Variants in DCAF16 observed in about 807,000 individuals in gnomAD.
DCAF16 encodes DDB1 and CUL4 associated factor 16.
A neutral mutation model predicts 17.3 loss-of-function variants in DCAF16; 10 were observed. The ratio of observed to expected loss-of-function variants is 0.58; its 90% CI spans 0.36 to 0.98. The LOEUF (loss-of-function observed/expected upper bound fraction) is 0.98, where lower values mean the gene tolerates loss of function less well. DCAF16 is among the 50% of genes least tolerant of loss of function. DCAF16 has a pLI of 0.01. For synonymous variants in DCAF16, 111 were observed against 92.8 expected, an observed-to-expected ratio of 1.20 and a Z score of -1.12; for missense variants, 249 against 247.6, an observed-to-expected ratio of 1.01 and a Z score of -0.04.
At chr4:17,797,824 T>A (rs1719495918), downstream of DCAF16, among the ~76,000 whole-genome samples, 1 of 152,190 alleles carries the variant, frequency 6.6e-6, no homozygotes, top group South Asian at 2.1e-4. Context: ...TTAATTAATT[T>A]ATTGTAAACC....
chr4:17,798,327 T>A (rs1250332181), downstream of DCAF16, among the ~76,000 whole-genome samples: 6 of 150,884 alleles, frequency 4.0e-5, no homozygotes, highest in Non-Finnish European at 3.0e-5. Context: ...TTTTTTTTTT[T>A]TTTTATACCA....
chr4:17,803,469 T>C lies in DCAF16; in HGVS notation c.*22A>G. 1 of 1,601,876 alleles carries C rather than the reference T, an allele frequency of 6.2e-7. No homozygotes were observed. The highest frequency in any genetic ancestry group is 8.5e-7 in the Non-Finnish European group (1 of 1,171,296). ...CTTTCTCAATTAGCAACATCAGAGA[T>C]ATCAGAGCAAATGGTAGATCTTTAC... On this transcript the variant is annotated 3_prime_UTR_variant, in exon 3 of 3. Coordinates refer to ENST00000382247, the MANE Select transcript of DCAF16 (RefSeq NM_017741.4).
rs1055847143 is a variant in DCAF16, at chr4:17,805,091, T to G, written c.-631+16A>C. On this transcript the variant is annotated intron_variant, in intron 2 of 2. Transcript: ENST00000382247. ...AAATAGAGAGCTATAAAAGTTTTTT[T>G]TTTTTTTTTTTTTACCTTCAGAGGT... The G allele has an allele frequency of 2.0e-5, 3 of 151,706 alleles. No individual in the cohort carries two copies. The highest frequency in any genetic ancestry group is 7.3e-5 in the African/African-American group (3 of 41,262). 9.4% of individuals were successfully genotyped at this position (151,706 alleles called of 1,614,324 possible).
At chr4:17,799,333 T>C (rs188916410), downstream of DCAF16, among the ~76,000 whole-genome samples, 56 of 152,350 alleles carry the variant, frequency 3.7e-4, no homozygotes, top group African/African-American at 1.3e-3. Context: ...TTATTTAATA[T>C]GACCCTAGAC....
downstream of DCAF16, among the ~76,000 whole-genome samples, chr4:17,799,627 C>T (rs989562579): frequency 1.3e-5 from 2 of 152,150 alleles, no homozygotes; most frequent in Non-Finnish European, 2.9e-5. Context: ...TCTTTAAATG[C>T]TTTAGCTATT....
chr4:17,808,472 T>G (rs551917880), intron 1 of DCAF16, among the ~76,000 whole-genome samples: 34 of 152,266 alleles, frequency 2.2e-4, no homozygotes, highest in African/African-American at 8.2e-4. Flanking sequence ...AGTACAAAAG[T>G]CAGGAAAAAT....
rs1299367767 is a variant in DCAF16, at chr4:17,802,159, G to T, written c.*1332C>A. On this transcript the variant is annotated 3_prime_UTR_variant, in exon 3 of 3. Coordinates refer to ENST00000382247, the MANE Select transcript of DCAF16 (RefSeq NM_017741.4). ...TCCTGAAAAGTTTGCAATGGATGTGGAAAGTACTTGAGCTTTTACTCCAGG... is the reference window on the plus strand; with the variant it reads ...TCCTGAAAAGTTTGCAATGGATGTGTAAAGTACTTGAGCTTTTACTCCAGG... 6.6e-6 allele frequency: 1 copy of T among 152,252 alleles called. No homozygotes were observed. The highest frequency in any genetic ancestry group is 1.5e-5 in the Non-Finnish European group (1 of 67,984). 9.4% of individuals were successfully genotyped at this position (152,252 alleles called of 1,614,324 possible).
chr4:17,794,806 A>G, the DCAF16 span, among the ~76,000 whole-genome samples: 1 of 152,202 alleles, frequency 6.6e-6, no homozygotes, highest in Non-Finnish European at 1.5e-5. Flanking sequence ...TGATTACTAA[A>G]TAACATACTT....
rs372001633 is a variant in DCAF16 at position 17,804,051 on chromosome 4, C to T, written c.91G>A (p.Glu31Lys). ...NISYLNESSG[E>K]EWDSSEEEDS... is the part of the protein sequence containing the mutation. ...TCTTCTTCAGAGGAATCCCACTCTT[C>T]CCCAGAACTCTCATTTAGGTAACTA... Residue 31 changes from glutamate to lysine, a missense_variant, in exon 3 of 3, where the codon GAA (glutamate) becomes AAA (lysine). Coordinates refer to ENST00000382247, the MANE Select transcript of DCAF16 (RefSeq NM_017741.4). 15 of 1,614,156 alleles carry T rather than the reference C, an allele frequency of 9.3e-6. No individual in the cohort carries two copies. The highest frequency in any genetic ancestry group is 1.7e-5 in the Admixed American group (1 of 60,024).
At chr4:17,799,784 T>C (rs146278192), downstream of DCAF16, among the ~76,000 whole-genome samples, 23 of 152,274 alleles carry the variant, frequency 1.5e-4, no homozygotes, top group African/African-American at 4.8e-4. Context: ...TTTCTTTTCT[T>C]AGGAAGCAGA....
chr4:17,800,849 C>T lies in DCAF16; in HGVS notation c.*2642G>A, dbSNP rs1469429567. 2.0e-5 allele frequency: 3 copies of T among 149,630 alleles called. No individual in the cohort carries two copies. The highest frequency in any genetic ancestry group is 4.4e-5 in the Non-Finnish European group (3 of 67,738). The allele number at this position is 149,630 out of a possible 1,614,324, so 9.3% of individuals were successfully genotyped here. On this transcript the variant is annotated 3_prime_UTR_variant, in exon 3 of 3. Transcript: ENST00000382247. ...CCTCTTCCCTACCTCCTCCCACCTC[C>T]ACTTAAACAAACAAACAAAAAAAAA...
chr4:17,797,315 T>C (rs954258198), downstream of DCAF16, among the ~76,000 whole-genome samples: 2 of 152,228 alleles, frequency 1.3e-5, no homozygotes, highest in Non-Finnish European at 2.9e-5. Context: ...TTTTTTCTGG[T>C]ATATGTGCCA....
chr4:17,795,461 CTTCT>C, the DCAF16 span, among the ~76,000 whole-genome samples: 13,330 of 151,892 alleles, frequency 0.088, 1,079 homozygotes, highest in African/African-American at 0.22. Flanking sequence ...CTCTCTTCAC[CTTCT>C]TTCTCTGTTC....
rs1720213467 is a variant in DCAF16 at position 17,805,212 on chromosome 4, C to T, written c.-736G>A. The T allele has an allele frequency of 2.0e-5, 3 of 150,718 alleles. No homozygotes were observed. The highest frequency in any genetic ancestry group is 4.2e-4 in the South Asian group (2 of 4,772). 9.3% of individuals were successfully genotyped at this position (150,718 alleles called of 1,614,324 possible). On this transcript the variant is annotated 5_prime_UTR_variant, in exon 2 of 3. Transcript: ENST00000382247. ...ACCTCAGAAGTTGTGATCCTATCAC[C>T]AATTCTATATAAGCTGTTCCACAAA...
downstream of DCAF16, among the ~76,000 whole-genome samples, chr4:17,796,123 A>G (rs1560204083): frequency 6.6e-6 from 1 of 152,228 alleles, no homozygotes; most frequent in Non-Finnish European, 1.5e-5. Context: ...GGCTTCAGTC[A>G]TCTGCTAGAG....
In DCAF16 at chr4:17,800,870, A is replaced by C. The variant is rs916522253; in HGVS notation, c.*2621T>G. On this transcript the variant is annotated 3_prime_UTR_variant, in exon 3 of 3. Coordinates refer to ENST00000382247, the MANE Select transcript of DCAF16 (RefSeq NM_017741.4). The stretch of plus-strand genomic sequence containing the variant: ...CCTCCACTTAAACAAACAAACAAAA[A>C]AAAAGGAAACAGTTTCCTGTAACAT... 1.3e-5 allele frequency: 2 copies of C among 152,684 alleles called. No individual in the cohort carries two copies. Among genetic ancestry groups the C allele is most frequent in the East Asian group, 3.9e-4 (2 of 5,186 alleles). The allele number at this position is 152,684 out of a possible 1,614,324, so 9.5% of individuals were successfully genotyped here. A position where few individuals can be genotyped will look rare whatever the true frequency, so the allele number is the denominator to read the frequency against.
chr4:17,798,299 C>T (rs1719521646), downstream of DCAF16, among the ~76,000 whole-genome samples: 1 of 148,796 alleles, frequency 6.7e-6, no homozygotes, highest in South Asian at 2.1e-4. Flanking sequence ...TCCTGTTACA[C>T]TGTTATTTTC....
chr4:17,795,256 G>A, the DCAF16 span, among the ~76,000 whole-genome samples: 3 of 152,112 alleles, frequency 2.0e-5, no homozygotes, highest in Non-Finnish European at 2.9e-5. Context: ...TTTTGAAAAC[G>A]TATCCTTTTT....
At chr4:17,797,299 A>C (rs1001010968), downstream of DCAF16, among the ~76,000 whole-genome samples, 5 of 152,184 alleles carry the variant, frequency 3.3e-5, no homozygotes, top group Non-Finnish European at 2.9e-5. Flanking sequence ...GATAAATAAC[A>C]TAACTTTTTT....
Sources: allele counts gnomAD v4.1 joint callset (sites outside exome capture counted in the v4.1 genomes callset), GRCh38; gene constraint gnomAD v4.1.1; transcripts MANE v1.5; gene names NCBI Gene and HGNC (gene_info 2026-07-23, HGNC 2026-07-21).